FRRS1L: variants seen among roughly 807,000 people sequenced by gnomAD.
The protein encoded by FRRS1L is ferric chelate reductase 1 like.
A neutral mutation model predicts 28.6 loss-of-function variants in FRRS1L; 22 were observed. The observed-to-expected ratio is 0.77, with a 90% CI of 0.55 to 1.10. The LOEUF is 1.10. Ranked by LOEUF, FRRS1L falls within the 50% of genes least tolerant of loss-of-function variation. The pLI is 0.00. For missense variants in FRRS1L, 380 were observed against 386.9 expected, an observed-to-expected ratio of 0.98 and a Z score of 0.15; for synonymous variants, 158 against 151.4, an observed-to-expected ratio of 1.04 and a Z score of -0.32.
chr9:109,154,932 G>T (rs1475671126), intron 1 of FRRS1L, among the ~76,000 whole-genome samples: 2 of 152,184 alleles, frequency 1.3e-5, no homozygotes, highest in African/African-American at 4.8e-5. Context: ...GTAAAGTCCT[G>T]CCAGGTTGCA....
Position 109,130,322 on chromosome 9 carries a change from T to A in FRRS1L, c.*7133A>T, listed in dbSNP as rs1429015980. On this transcript the variant is annotated 3_prime_UTR_variant, in exon 5 of 5. Transcript: ENST00000561981. ...GAATTATAAACTAACTTTAATTACA[T>A]CAACAGGAAGAATTTCAAACTATGT... 1 of 152,216 alleles carries A rather than the reference T, an allele frequency of 6.6e-6. No homozygotes were observed. Among genetic ancestry groups the A allele is most frequent in the South Asian group, 2.1e-4 (1 of 4,824 alleles). The allele number at this position is 152,216 out of a possible 1,614,324, so 9.4% of individuals were successfully genotyped here. A position where few individuals can be genotyped will look rare whatever the true frequency, so the allele number is the denominator to read the frequency against.
At position 109,141,546 on chromosome 9, in the gene FRRS1L, C is replaced by T; in HGVS notation, c.506G>A (p.Arg169Lys). The T allele has an allele frequency of 6.2e-7, 1 of 1,614,052 alleles. No individual in the cohort carries two copies. The highest frequency in any genetic ancestry group is 1.1e-5 in the South Asian group (1 of 91,074). ...VMACVHDDNG[R>K]VRIQHFYNVG... is the part of the protein sequence containing the mutation. Reference sequence around the variant, plus strand: ...ATTATAGAAGTGCTGTATGCGGACCCTGCCATTGTCATCATGGACGCAGGC... The same window carrying T: ...ATTATAGAAGTGCTGTATGCGGACCTTGCCATTGTCATCATGGACGCAGGC... The change falls in exon 4 of 5, where the codon AGG becomes AAG. Residue 169 changes from arginine to lysine, a missense_variant. Physicochemically the swap from Arg to Lys is conservative, Grantham distance 26. Transcript: ENST00000561981.
intron 2 of FRRS1L, chr9:109,148,407 C>T (rs777354205): frequency 3.3e-5 from 5 of 152,088 alleles, no homozygotes; most frequent in South Asian, 2.1e-4. Context: ...TTTGAGAGCA[C>T]CACTGAAATG....
intron 3 of FRRS1L, 54 bp from the exon 4 acceptor site, chr9:109,141,643 A>G: frequency 1.5e-5 from 23 of 1,560,432 alleles, no homozygotes; most frequent in Non-Finnish European, 2.0e-5. Context: ...TCTTTTGCAC[A>G]CTGGTCACTA....
chr9:109,155,079 G>A (rs1287794666), intron 1 of FRRS1L, among the ~76,000 whole-genome samples: 1 of 152,170 alleles, frequency 6.6e-6, no homozygotes, highest in Non-Finnish European at 1.5e-5. Flanking sequence ...TCTGCCAACA[G>A]CACCCCTTGC....
In FRRS1L at chr9:109,137,604, C is replaced by T. The variant is rs1831130076; in HGVS notation, c.733G>A (p.Asp245Asn). Residue 245 changes from aspartate to asparagine, a missense_variant, in exon 5 of 5, where the codon GAC (aspartate) becomes AAC (asparagine). Coordinates refer to ENST00000561981, the MANE Select transcript of FRRS1L (RefSeq NM_014334.4). ...IQGSITRHDIDSPPASERVVS... is the reference protein window; with the variant it reads ...IQGSITRHDINSPPASERVVS... ...ACACGCTCTGAAGCCGGCGGTGAGT[C>T]TATATCATGTCGAGTGATAGAGCCT... 6.2e-7 allele frequency: 1 copy of T among 1,600,092 alleles called. No homozygotes were observed. The highest frequency in any genetic ancestry group is 1.3e-5 in the African/African-American group (1 of 74,482).
At position 109,151,561 on chromosome 9, in the gene FRRS1L, C is replaced by T; in HGVS notation, c.239-1841G>A. Reference sequence around the variant, plus strand: ...TGTCTCCCATCACCCCCAAATGAGACCTTCTAGTTGCAGGAAAACAAGCTC... The same window carrying T: ...TGTCTCCCATCACCCCCAAATGAGATCTTCTAGTTGCAGGAAAACAAGCTC... On this transcript the variant is annotated intron_variant, in intron 1 of 4. Transcript: ENST00000561981. 8.4e-6 allele frequency: 2 copies of T among 236,736 alleles called. 1 individual carries two copies. The highest frequency in any genetic ancestry group is 1.4e-4 in the South Asian group (2 of 14,482). 14.7% of individuals were successfully genotyped at this position (236,736 alleles called of 1,614,324 possible).
At chr9:109,158,895 A>G (rs1450839765) in intron 1 of FRRS1L, among the ~76,000 whole-genome samples, 1 of 152,172 alleles carries the variant, frequency 6.6e-6, no homozygotes, top group African/African-American at 2.4e-5. Flanking sequence ...CTGCCAAACT[A>G]TTTTCCAAAG....
Position 109,134,122 on chromosome 9 carries a change from G to T in FRRS1L, c.*3333C>A, listed in dbSNP as rs1270534009. ...AGCATAGGAGGAAGAATATAAAAAT[G>T]TTGGCCAGTCTCCCAATATACATGA... is the stretch of plus-strand genomic sequence containing the variant. On this transcript the variant is annotated 3_prime_UTR_variant, in exon 5 of 5. Transcript: ENST00000561981. 2.0e-5 allele frequency: 3 copies of T among 152,198 alleles called. No individual in the cohort carries two copies. The highest frequency in any genetic ancestry group is 7.2e-5 in the African/African-American group (3 of 41,442). 9.4% of individuals were successfully genotyped at this position (152,198 alleles called of 1,614,324 possible). A position where few individuals can be genotyped will look rare whatever the true frequency, so the allele number is the denominator to read the frequency against.
At chr9:109,156,482 G>A (rs1224870460) in intron 1 of FRRS1L, among the ~76,000 whole-genome samples, 16 of 151,854 alleles carry the variant, frequency 1.1e-4, no homozygotes, top group Non-Finnish European at 1.2e-4. Flanking sequence ...TCCACCTCCC[G>A]GGTTCAAGCG....
intron 1 of FRRS1L, among the ~76,000 whole-genome samples, chr9:109,154,911 G>C (rs1245050296): frequency 6.6e-6 from 1 of 152,182 alleles, no homozygotes; most frequent in African/African-American, 2.4e-5. Flanking sequence ...ATGGAATTCT[G>C]CCTGTCCAGG....
At chr9:109,146,346 C>T (rs889481697) in intron 3 of FRRS1L, among the ~76,000 whole-genome samples, 3 of 152,138 alleles carry the variant, frequency 2.0e-5, no homozygotes, top group African/African-American at 7.2e-5. Flanking sequence ...GTCAGAAATA[C>T]AGGTCACAAC....
At chr9:109,140,713 C>T (rs1831168091) in intron 4 of FRRS1L, 1 of 151,338 alleles carries the variant, frequency 6.6e-6, no homozygotes, top group African/African-American at 2.4e-5. Flanking sequence ...TTTCTTTCTT[C>T]TTCTTTTTTT....
Position 109,130,576 on chromosome 9 carries a change from T to C in FRRS1L, c.*6879A>G, listed in dbSNP as rs1168715723. 6.6e-6 allele frequency: 1 copy of C among 152,162 alleles called. No homozygotes were observed. Among genetic ancestry groups the C allele is most frequent in the Non-Finnish European group, 1.5e-5 (1 of 68,036 alleles). 9.4% of individuals were successfully genotyped at this position (152,162 alleles called of 1,614,324 possible). A position where few individuals can be genotyped will look rare whatever the true frequency, so the allele number is the denominator to read the frequency against. On this transcript the variant is annotated 3_prime_UTR_variant, in exon 5 of 5. Transcript: ENST00000561981. ...AGATAGGCTTATAAATATACATAAA[T>C]CTCAAAATTAATCACAAACATTAGG...
In FRRS1L at chr9:109,134,695, T is replaced by C. The variant is rs1310313860; in HGVS notation, c.*2760A>G. On this transcript the variant is annotated 3_prime_UTR_variant, in exon 5 of 5. Coordinates refer to ENST00000561981, the MANE Select transcript of FRRS1L (RefSeq NM_014334.4). ...GAAATCACTAGTGAAATAATTAGCT[T>C]GATTAGAAATGTAAGCGGAAGGAAG... 2.6e-5 allele frequency: 4 copies of C among 152,194 alleles called. No homozygotes were observed. Among genetic ancestry groups the C allele is most frequent in the African/African-American group, 9.7e-5 (4 of 41,450 alleles). 9.4% of individuals were successfully genotyped at this position (152,194 alleles called of 1,614,324 possible).
intron 3 of FRRS1L, among the ~76,000 whole-genome samples, 170 bp from the exon 4 acceptor site, chr9:109,141,759 A>G (rs116883305): frequency 2.0e-3 from 308 of 152,334 alleles, no homozygotes; most frequent in Admixed American, 3.9e-3. Context: ...CATCACAATA[A>G]GTGACATTCA....
intron 1 of FRRS1L, among the ~76,000 whole-genome samples, chr9:109,163,702 G>A (rs1330436347): frequency 6.6e-6 from 1 of 152,000 alleles, no homozygotes; most frequent in East Asian, 1.9e-4. Flanking sequence ...TCTGATTTTT[G>A]AACTCAGTTT....
In FRRS1L at chr9:109,157,804, G is replaced by A. The variant is rs145519995; in HGVS notation, c.239-8084C>T. 1.9e-3 allele frequency among the ~76,000 whole-genome samples: 290 copies of A among 152,116 alleles called. 3 individuals are homozygous for A. Among genetic ancestry groups the A allele is most frequent in the African/African-American group, 6.4e-3 (266 of 41,506 alleles). The stretch of plus-strand genomic sequence containing the variant: ...ACATTCCTGATTAGTTTCTTCTATC[G>A]ATATACGACATAATTTGCTCCTTAT... On this transcript the variant is annotated intron_variant, in intron 1 of 4. Transcript: ENST00000561981.
chr9:109,144,243 A>T (rs1285194234), intron 3 of FRRS1L, among the ~76,000 whole-genome samples: 1 of 152,126 alleles, frequency 6.6e-6, no homozygotes, highest in Non-Finnish European at 1.5e-5. Flanking sequence ...ATTGAAGGCT[A>T]TTCTCCTGGT....
Sources: allele counts gnomAD v4.1 joint callset (sites outside exome capture counted in the v4.1 genomes callset), GRCh38; gene constraint gnomAD v4.1.1; transcripts MANE v1.5; gene names NCBI Gene and HGNC (gene_info 2026-07-23, HGNC 2026-07-21).